Variants in GALNTL6 observed in about 807,000 individuals in gnomAD.
GALNTL6 encodes polypeptide N-acetylgalactosaminyltransferase-like 6.
In GALNTL6, 46 loss-of-function variants were observed where a neutral mutation model predicts 73.7. The observed-to-expected ratio is 0.62, with a 90% CI of 0.49 to 0.80. The LOEUF (loss-of-function observed/expected upper bound fraction) is 0.80, where lower values mean the gene tolerates loss of function less well. Among genes scored for constraint, GALNTL6 ranks in the 30% least tolerant of loss-of-function variants. The pLI, the probability that GALNTL6 is intolerant of heterozygous loss-of-function variation, is 0.00. For synonymous variants in GALNTL6, 259 were observed against 263.7 expected, an observed-to-expected ratio of 0.98 and a Z score of 0.17; for missense variants, 604 against 755.0, an observed-to-expected ratio of 0.80 and a Z score of 2.34.
intron 5 of GALNTL6, among the ~76,000 whole-genome samples, chr4:172,432,662 G>T (rs1210911003): frequency 6.6e-6 from 1 of 151,796 alleles, no homozygotes; most frequent in South Asian, 2.1e-4. Flanking sequence ...AAATCATCAG[G>T]CTGTACACTT....
intron 4 of GALNTL6, among the ~76,000 whole-genome samples, chr4:172,317,056 A>G (rs967407768): frequency 6.6e-6 from 1 of 152,204 alleles, no homozygotes; most frequent in Non-Finnish European, 1.5e-5. Flanking sequence ...CTGTCCTGCC[A>G]CATGGGAACA....
chr4:172,217,996 T>C (rs1325445226), intron 2 of GALNTL6, among the ~76,000 whole-genome samples: 1 of 152,132 alleles, frequency 6.6e-6, no homozygotes, highest in Non-Finnish European at 1.5e-5. Flanking sequence ...AGAGGCTATG[T>C]CTTTCAGCTC....
At chr4:173,034,753 G>T (rs1753614598) in intron 12 of GALNTL6, among the ~76,000 whole-genome samples, 1 of 152,044 alleles carries the variant, frequency 6.6e-6, no homozygotes, top group Admixed American at 6.5e-5. Flanking sequence ...TGACCGCCTT[G>T]ATTTTTTTCA....
intron 2 of GALNTL6, among the ~76,000 whole-genome samples, chr4:172,081,989 G>T (rs538770764): frequency 2.6e-5 from 4 of 150,948 alleles, no homozygotes; most frequent in Admixed American, 6.6e-5. Context: ...CTATTCTCCC[G>T]CCTCAGCCTC....
intron 2 of GALNTL6, among the ~76,000 whole-genome samples, chr4:171,964,145 A>G (rs1739315221): frequency 6.6e-6 from 1 of 151,310 alleles, no homozygotes; most frequent in African/African-American, 2.4e-5. Context: ...AAATAATAAT[A>G]CTGATTACTG....
chr4:171,863,025 A>G (rs1019927261), intron 2 of GALNTL6, among the ~76,000 whole-genome samples: 2 of 152,204 alleles, frequency 1.3e-5, no homozygotes, highest in African/African-American at 4.8e-5. Flanking sequence ...ATTTTACCTT[A>G]CAAACTCTTA....
intron 5 of GALNTL6, among the ~76,000 whole-genome samples, chr4:172,744,460 C>T (rs1430152351): frequency 6.6e-6 from 1 of 152,088 alleles, no homozygotes; most frequent in Non-Finnish European, 1.5e-5. Context: ...AGATACATGT[C>T]TGTGTACTGA....
chr4:172,220,014 C>T (rs1002265115), intron 2 of GALNTL6, among the ~76,000 whole-genome samples: 1 of 151,862 alleles, frequency 6.6e-6, no homozygotes, highest in Non-Finnish European at 1.5e-5. Flanking sequence ...ATCCAATTCT[C>T]TGTTAGGAAT....
At chr4:172,231,142 T>C (rs1737055788) in intron 3 of GALNTL6, among the ~76,000 whole-genome samples, 1 of 152,142 alleles carries the variant, frequency 6.6e-6, no homozygotes, top group African/African-American at 2.4e-5. Flanking sequence ...AATGAGTTCC[T>C]TACCAGCATC....
At chr4:172,933,801 T>G (rs945528419) in intron 9 of GALNTL6, among the ~76,000 whole-genome samples, 3 of 152,224 alleles carry the variant, frequency 2.0e-5, no homozygotes, top group African/African-American at 7.2e-5. Context: ...TCAACTGATA[T>G]TTTAATCTTG....
chr4:172,784,657 T>C (rs1739554367), intron 5 of GALNTL6, among the ~76,000 whole-genome samples: 5 of 152,192 alleles, frequency 3.3e-5, no homozygotes, highest in Admixed American at 3.3e-4. Context: ...AGGGAACTTA[T>C]AATTAGAAAA....
intron 7 of GALNTL6, among the ~76,000 whole-genome samples, chr4:172,877,038 T>C (rs894485522): frequency 6.6e-6 from 1 of 152,194 alleles, no homozygotes; most frequent in Non-Finnish European, 1.5e-5. Flanking sequence ...ATGTCCAGAA[T>C]GCTCACTGTG....
At chr4:172,853,855 A>G (rs190932803) in intron 7 of GALNTL6, among the ~76,000 whole-genome samples, 1 of 152,314 alleles carries the variant, frequency 6.6e-6, no homozygotes, top group Admixed American at 6.5e-5. Flanking sequence ...AGTATTGGCA[A>G]AGTAATTTAG....
intron 4 of GALNTL6, among the ~76,000 whole-genome samples, chr4:172,319,619 GGTAA>G (rs765822955): frequency 1.6e-4 from 24 of 151,992 alleles, no homozygotes; most frequent in African/African-American, 2.9e-4. Context: ...TAGAAATCCT[GGTAA>G]GTATTTTTCA....
chr4:172,723,427 T>C (rs1735604413), intron 5 of GALNTL6, among the ~76,000 whole-genome samples: 1 of 152,190 alleles, frequency 6.6e-6, no homozygotes, highest in Admixed American at 6.5e-5. Flanking sequence ...TTTCCTCATC[T>C]AATCATAGGA....
intron 2 of GALNTL6, among the ~76,000 whole-genome samples, chr4:172,192,206 C>T (rs1014380911): frequency 1.3e-5 from 2 of 151,880 alleles, no homozygotes; most frequent in Admixed American, 1.3e-4. Context: ...TATAATTCCT[C>T]TGAGTTATCA....
intron 5 of GALNTL6, among the ~76,000 whole-genome samples, chr4:172,408,582 C>T (rs1466077101): frequency 1.3e-5 from 2 of 151,320 alleles, no homozygotes; most frequent in African/African-American, 4.9e-5. Flanking sequence ...ATTATTATGC[C>T]TTCCCTCTGC....
intron 10 of GALNTL6, among the ~76,000 whole-genome samples, chr4:172,960,775 T>C (rs1750007847): frequency 1.3e-5 from 2 of 152,170 alleles, no homozygotes; most frequent in Non-Finnish European, 2.9e-5. Flanking sequence ...TCAAGTGGCA[T>C]TGTAGAAGAA....
intron 2 of GALNTL6, among the ~76,000 whole-genome samples, chr4:172,086,427 GT>G (rs1732035405): frequency 6.6e-6 from 1 of 151,804 alleles, no homozygotes; most frequent in African/African-American, 2.4e-5. Context: ...AGCTATTTTT[GT>G]TGTATATATA....
Sources: allele counts gnomAD v4.1 joint callset (sites outside exome capture counted in the v4.1 genomes callset), GRCh38; gene constraint gnomAD v4.1.1; transcripts MANE v1.5; gene names NCBI Gene and HGNC (gene_info 2026-07-23, HGNC 2026-07-21).